ADCY8: variants seen among roughly 807,000 people sequenced by gnomAD.
ADCY8 encodes the protein adenylate cyclase 8.
In ADCY8, 51 loss-of-function variants were observed where a neutral mutation model predicts 119.7. The observed-to-expected ratio is 0.43, with a 90% confidence interval of 0.34 to 0.54. ADCY8 has a LOEUF of 0.54. Among genes scored for constraint, ADCY8 ranks in the 20% least tolerant of loss-of-function variants. The pLI is 0.03. For missense variants in ADCY8, 1,383 were observed against 1,598.8 expected (o/e 0.87, Z 2.30); for synonymous variants, 665 against 651.0 (o/e 1.02, Z -0.33).
In ADCY8 at chr8:130,847,335, T is replaced by C. The variant is rs1222776241; in HGVS notation, c.2502+89A>G. 1.8e-5 allele frequency: 17 copies of C among 931,440 alleles called. No individual in the cohort carries two copies. The African/African-American group carries it at 2.5e-4, about 14-fold the overall frequency. 57.7% of individuals were successfully genotyped at this position (931,440 alleles called of 1,614,324 possible). Reference sequence around the variant, plus strand: ...GAAAACAGGCCTCTTGAGTATTTTCTATGGCCCTTCAGCCAGTCTTGTTTA... The same window carrying C: ...GAAAACAGGCCTCTTGAGTATTTTCCATGGCCCTTCAGCCAGTCTTGTTTA... On this transcript the variant is annotated intron_variant, in intron 11 of 17. Coordinates refer to ENST00000286355, the MANE Select transcript of ADCY8 (RefSeq NM_001115.3).
intron 4 of ADCY8, 131 bp from the exon 5 acceptor site, chr8:130,937,331 A>C: frequency 2.2e-6 from 2 of 902,630 alleles, no homozygotes; most frequent in Non-Finnish European, 3.2e-6. Context: ...CCTTTGAAAT[A>C]TACTTCTACC....
chr8:130,818,329 C>T (rs1816406905), intron 13 of ADCY8, among the ~76,000 whole-genome samples: 1 of 152,150 alleles, frequency 6.6e-6, no homozygotes, highest in South Asian at 2.1e-4. Flanking sequence ...TCTCTTTCTC[C>T]TTGTGGAGGC....
chr8:130,958,246 G>T (rs1036926146), intron 2 of ADCY8, among the ~76,000 whole-genome samples: 6 of 152,182 alleles, frequency 3.9e-5, no homozygotes, highest in Non-Finnish European at 8.8e-5. Context: ...TAAGCAAGTG[G>T]GTAGTAAAAA....
Position 130,780,501 on chromosome 8 carries a change from G to A in ADCY8, c.3645C>T (p.Asn1215=). Residue 1215 remains asparagine, a synonymous_variant, in exon 18 of 18, where the codon AAC becomes AAT. Coordinates refer to ENST00000286355, the MANE Select transcript of ADCY8 (RefSeq NM_001115.3). The part of the protein sequence containing the change: ...RQRQKQLLNE[N]NNTGIIKGHY... ...GACCCTTGATGATTCCTGTGTTGTTGTTCTCATTGAGTAGCTGCTTCTGCC... is the reference window on the plus strand; with the variant it reads ...GACCCTTGATGATTCCTGTGTTGTTATTCTCATTGAGTAGCTGCTTCTGCC... The A allele has an allele frequency of 6.2e-7, 1 of 1,614,082 alleles. No homozygotes were observed. Among genetic ancestry groups the A allele is most frequent in the Non-Finnish European group, 8.5e-7 (1 of 1,180,006 alleles).
chr8:130,937,217 A>G lies in ADCY8; in HGVS notation c.1354-17T>C. The G allele has an allele frequency of 6.2e-7, 1 of 1,611,200 alleles. No homozygotes were observed. Among genetic ancestry groups the G allele is most frequent in the Non-Finnish European group, 8.5e-7 (1 of 1,178,434 alleles). ...GTGATGCTCCTGGAAGGAACAGGAT[A>G]AGAGGGAAAGGTCTATGTCAGCAGA... On this transcript the variant is annotated splice_polypyrimidine_tract_variant and intron_variant, in intron 4 of 17. Coordinates refer to ENST00000286355, the MANE Select transcript of ADCY8 (RefSeq NM_001115.3).
intron 2 of ADCY8, among the ~76,000 whole-genome samples, chr8:130,974,395 T>A (rs1465415736): frequency 1.3e-5 from 2 of 152,178 alleles, no homozygotes; most frequent in African/African-American, 4.8e-5. Flanking sequence ...GACCTCCACA[T>A]CTCTTCCAAG....
chr8:130,918,343 C>A (rs1284516834), intron 5 of ADCY8, among the ~76,000 whole-genome samples: 1 of 152,122 alleles, frequency 6.6e-6, no homozygotes, highest in African/African-American at 2.4e-5. Context: ...TCTCTGGGGT[C>A]TCTTCTAATA....
chr8:130,941,096 A>G (rs1820941116), intron 4 of ADCY8, among the ~76,000 whole-genome samples: 1 of 152,238 alleles, frequency 6.6e-6, no homozygotes, highest in Admixed American at 6.5e-5. Flanking sequence ...AAAAAGTTAG[A>G]AATCCCAAAA....
chr8:130,789,181 A>G (rs1815347443), intron 15 of ADCY8, among the ~76,000 whole-genome samples: 2 of 152,222 alleles, frequency 1.3e-5, no homozygotes, highest in African/African-American at 4.8e-5. Flanking sequence ...TGAATCAACT[A>G]TAAGACAACA....
chr8:130,947,899 C>G (rs1821151735), intron 3 of ADCY8, among the ~76,000 whole-genome samples: 1 of 152,128 alleles, frequency 6.6e-6, no homozygotes, highest in African/African-American at 2.4e-5. Context: ...CCACCTGTCA[C>G]TAGGAAAAGC....
At chr8:130,919,905 AT>A (rs1820248500) in intron 5 of ADCY8, among the ~76,000 whole-genome samples, 2 of 152,132 alleles carry the variant, frequency 1.3e-5, no homozygotes, top group South Asian at 4.1e-4. Context: ...TCAAACCTGG[AT>A]TAGTCCTTAT....
chr8:130,923,318 A>C (rs140649106), intron 5 of ADCY8, among the ~76,000 whole-genome samples: 114 of 152,340 alleles, frequency 7.5e-4, no homozygotes, highest in Middle Eastern at 3.4e-3. Context: ...GAGAAATAAA[A>C]AGGAAAGGAG....
At chr8:130,809,160 C>G (rs1354508149) in intron 14 of ADCY8, among the ~76,000 whole-genome samples, 2 of 152,182 alleles carry the variant, frequency 1.3e-5, no homozygotes, top group Non-Finnish European at 1.5e-5. Context: ...TGGTTTGAGT[C>G]ATCCTTTGTC....
intron 5 of ADCY8, among the ~76,000 whole-genome samples, chr8:130,925,603 C>T (rs1279836472): frequency 6.6e-6 from 1 of 152,104 alleles, no homozygotes; most frequent in Non-Finnish European, 1.5e-5. Flanking sequence ...TCTATGTCAC[C>T]TTACAGTACA....
At chr8:131,023,523 C>CAAGTTTTATATATGAAAATATAA (rs1823737758) in intron 1 of ADCY8, among the ~76,000 whole-genome samples, 3 of 152,172 alleles carry the variant, frequency 2.0e-5, no homozygotes, top group African/African-American at 4.8e-5. Context: ...ACACACAGTG[C>CAAGTTTTATATATGAAAATATAA]CACTTTCATA....
At chr8:130,943,679 C>T (rs1007000698) in intron 3 of ADCY8, among the ~76,000 whole-genome samples, 2 of 152,128 alleles carry the variant, frequency 1.3e-5, no homozygotes, top group African/African-American at 4.8e-5. Flanking sequence ...AAGGGGACAA[C>T]AGGAAGCCCT....
chr8:130,906,141 A>C (rs1819777003), intron 6 of ADCY8, among the ~76,000 whole-genome samples: 1 of 152,242 alleles, frequency 6.6e-6, no homozygotes, highest in Middle Eastern at 3.2e-3. Context: ...AAATGTGCTG[A>C]ATAAATACAA....
chr8:130,871,273 GTCTCA>G (rs1296765996), intron 8 of ADCY8, among the ~76,000 whole-genome samples: 1 of 152,130 alleles, frequency 6.6e-6, no homozygotes, highest in Non-Finnish European at 1.5e-5. Context: ...AGGACTCCTT[GTCTCA>G]TCTCTGTTCT....
chr8:130,860,105 T>C (rs888972070), intron 9 of ADCY8, among the ~76,000 whole-genome samples: 2 of 152,178 alleles, frequency 1.3e-5, no homozygotes, highest in African/African-American at 4.8e-5. Flanking sequence ...GTCATTGTAC[T>C]AGGTATGTAG....
Sources: allele counts gnomAD v4.1 joint callset (sites outside exome capture counted in the v4.1 genomes callset), GRCh38; gene constraint gnomAD v4.1.1; transcripts MANE v1.5; gene names NCBI Gene and HGNC (gene_info 2026-07-23, HGNC 2026-07-21).